Variants in VPS35 observed in about 807,000 individuals in gnomAD.
VPS35 encodes the protein vacuolar protein sorting-associated protein 35.
Under a neutral mutation model 98.1 loss-of-function variants are expected in VPS35, and 21 were observed. That is an observed-to-expected ratio of 0.21 (90% CI 0.15 to 0.31). VPS35 has a LOEUF of 0.31. Among genes scored for constraint, VPS35 ranks in the 10% least tolerant of loss-of-function variants. The probability of loss-of-function intolerance (pLI) is 1.00; values close to 1 mark genes in which losing one functional copy is unlikely to be tolerated. For missense variants in VPS35, 554 were observed against 950.8 expected (o/e 0.58, Z 5.49); for synonymous variants, 268 against 318.2 (o/e 0.84, Z 1.68).
chr16:46,666,164 A>G (rs533957275), intron 13 of VPS35, among the ~76,000 whole-genome samples: 6 of 152,208 alleles, frequency 3.9e-5, no homozygotes, highest in Non-Finnish European at 5.9e-5. Context: ...TTGGCCTCCC[A>G]AAGTGCTAGG....
chr16:46,667,572 T>G (rs1266263286), intron 13 of VPS35, among the ~76,000 whole-genome samples: 1 of 152,202 alleles, frequency 6.6e-6, no homozygotes, highest in Non-Finnish European at 1.5e-5. Flanking sequence ...TTGCTTTAGT[T>G]GCATAGGTTT....
intron 1 of VPS35, chr16:46,688,730 C>T: frequency 1.7e-6 from 2 of 1,188,514 alleles, no homozygotes; most frequent in Non-Finnish European, 2.1e-6. Context: ...GGGCGGGTCC[C>T]GGCGCCACCT....
At chr16:46,681,154 A>AG (rs1355425738) in intron 4 of VPS35, among the ~76,000 whole-genome samples, 1 of 152,170 alleles carries the variant, frequency 6.6e-6, no homozygotes, top group Non-Finnish European at 1.5e-5. Flanking sequence ...ATTAAAAAAA[A>AG]TAGCAAGCAT....
In VPS35 at chr16:46,677,418, CA is replaced by C. The variant is rs1567267744; in HGVS notation, c.721-21del. The C allele has an allele frequency of 6.3e-7, 1 of 1,597,126 alleles. No homozygotes were observed. The highest frequency in any genetic ancestry group is 1.1e-5 in the South Asian group (1 of 90,696). ...AACAATCTAAAAGAGAAAAAACACA[CA>C]TAAGGGTTAAAATCTGTTTTCAAAA... On this transcript the variant is annotated intron_variant, in intron 6 of 16. Coordinates refer to ENST00000299138, the MANE Select transcript of VPS35 (RefSeq NM_018206.6).
intron 1 of VPS35, chr16:46,688,322 G>C (rs1596729221): frequency 1.0e-6 from 1 of 986,886 alleles, no homozygotes; most frequent in Admixed American, 6.1e-5. Context: ...GCCTTTGTGG[G>C]AACCAGACAC....
intron 13 of VPS35, among the ~76,000 whole-genome samples, chr16:46,665,553 C>T (rs1036503822): frequency 6.7e-6 from 1 of 150,016 alleles, no homozygotes; most frequent in Non-Finnish European, 1.5e-5. Context: ...CGTAATCATA[C>T]CACTGTATCC....
At chr16:46,686,361 G>A (rs747615372) in intron 1 of VPS35, among the ~76,000 whole-genome samples, 2 of 152,086 alleles carry the variant, frequency 1.3e-5, no homozygotes, top group Non-Finnish European at 2.9e-5. Flanking sequence ...TGAAACTGTG[G>A]CTACAAAGAG....
At chr16:46,680,234 A>C (rs1391734449) in intron 5 of VPS35, among the ~76,000 whole-genome samples, 3 of 152,212 alleles carry the variant, frequency 2.0e-5, no homozygotes, top group Non-Finnish European at 4.4e-5. Flanking sequence ...AACTCGTAAC[A>C]GATAATTCAA....
chr16:46,674,634 T>C lies in VPS35; in HGVS notation c.941A>G (p.Asp314Gly). 6.2e-7 allele frequency: 1 copy of C among 1,610,548 alleles called. No homozygotes were observed. The highest frequency in any genetic ancestry group is 8.5e-7 in the Non-Finnish European group (1 of 1,178,528). ...AATATCCGCTGGGATTCCAGGTCCA[T>C]CTTCACGGTGAGCAAATAAAGCTAA... ...DRLALFAHRE[D>G]GPGIPADIKL... is the part of the protein sequence containing the mutation. Residue 314 changes from aspartate (D) to glycine (G), a missense_variant, in exon 9 of 17, where the codon GAT becomes GGT. Physicochemically the swap from Asp to Gly is moderately conservative, Grantham distance 94. Around this residue, in one of 5 missense-constraint regions of VPS35, gnomAD observed 254 missense variants for 390.1 expected, o/e 0.65. Coordinates refer to ENST00000299138, the MANE Select transcript of VPS35 (RefSeq NM_018206.6).
chr16:46,680,203 C>G (rs1487769675), intron 5 of VPS35, among the ~76,000 whole-genome samples: 3 of 152,090 alleles, frequency 2.0e-5, no homozygotes, highest in Admixed American at 1.3e-4. Flanking sequence ...TTTTATTTTT[C>G]CTTCTCTGGA....
At chr16:46,677,161 G>A (rs1966164349) in intron 7 of VPS35, among the ~76,000 whole-genome samples, 154 bp downstream of exon 7, 1 of 151,730 alleles carries the variant, frequency 6.6e-6, no homozygotes, top group African/African-American at 2.4e-5. Context: ...CTCCCAAACT[G>A]CTGAGATTAC....
chr16:46,671,335 G>C (rs1056084466), intron 12 of VPS35, among the ~76,000 whole-genome samples: 1 of 152,114 alleles, frequency 6.6e-6, no homozygotes, highest in African/African-American at 2.4e-5. Context: ...CGGCACTCAA[G>C]CAAAAGAAGA....
intron 10 of VPS35, chr16:46,673,856 G>A (rs529207373): frequency 5.4e-5 from 9 of 166,354 alleles, no homozygotes; most frequent in African/African-American, 9.6e-5. Context: ...CCAACCCAAA[G>A]CCCACAGGCC....
At chr16:46,671,403 TACTC>T (rs1966066481) in intron 12 of VPS35, among the ~76,000 whole-genome samples, 1 of 152,182 alleles carries the variant, frequency 6.6e-6, no homozygotes, top group Non-Finnish European at 1.5e-5. Context: ...ACTGAATTGT[TACTC>T]ACATGCTCCA....
At chr16:46,662,093 G>A (rs1454278385) in intron 15 of VPS35, 150 bp downstream of exon 15, 1 of 1,431,094 alleles carries the variant, frequency 7.0e-7, no homozygotes, top group Non-Finnish European at 9.6e-7. Context: ...CTTCACTACA[G>A]GATGAGACTC....
At position 46,663,180 on chromosome 16, in the gene VPS35, A is replaced by AT. The variant is rs766260337; in HGVS notation, c.1648-19dup. On this transcript the variant is annotated intron_variant, in intron 13 of 16. Transcript: ENST00000299138. ...TTGTCATCCTAAAACAAGAAAAAAC[A>AT]TTTTAAGTTACCTTAAATTCAAAAT... The AT allele has an allele frequency of 6.2e-7, 1 of 1,607,320 alleles. No individual in the cohort carries two copies. The highest frequency in any genetic ancestry group is 1.1e-5 in the South Asian group (1 of 90,416).
chr16:46,681,300 T>C, intron 4 of VPS35, 77 bp downstream of exon 4: 1 of 1,596,298 alleles, frequency 6.3e-7, no homozygotes, highest in Non-Finnish European at 8.6e-7. Context: ...AACTTTTTCT[T>C]AAGCTGATAA....
chr16:46,677,587 G>A (rs1343472399), intron 6 of VPS35, 189 bp from the exon 7 acceptor site: 37 of 578,430 alleles, frequency 6.4e-5, no homozygotes, highest in Middle Eastern at 4.9e-4. Context: ...CCAGGCTGGA[G>A]TGAAGTGGCA....
Position 46,660,192 on chromosome 16 carries a change from T to TTTTG in VPS35, c.*279_*280insCAAA, listed in dbSNP as rs886052006. 3.9e-4 allele frequency: 68 copies of TTTTG among 175,294 alleles called. 7 individuals carry two copies. Among genetic ancestry groups the TTTTG allele is most frequent in the Non-Finnish European group, 5.5e-4 (48 of 87,758 alleles). 10.9% of individuals were successfully genotyped at this position (175,294 alleles called of 1,614,324 possible). On this transcript the variant is annotated 3_prime_UTR_variant, in exon 17 of 17. Coordinates refer to ENST00000299138, the MANE Select transcript of VPS35 (RefSeq NM_018206.6). ...AAGATAAGTGCTTGTGGGTTTTGTG[T>TTTTG]TTTTTTTTTTTTTTTTTTTTACAGA...
Sources: allele counts gnomAD v4.1 joint callset (sites outside exome capture counted in the v4.1 genomes callset), GRCh38; gene constraint gnomAD v4.1.1; regional missense constraint gnomAD v4.1.1; transcripts MANE v1.5; gene names NCBI Gene and HGNC (gene_info 2026-07-23, HGNC 2026-07-21).